Variants in ATF7IP2 observed in about 807,000 individuals in gnomAD.
ATF7IP2 encodes the protein activating transcription factor 7 interacting protein 2, also known as activating transcription factor 7-interacting protein 2.
ATF7IP2 carries 42 observed loss-of-function variants against 64.2 expected under a neutral mutation model. That is an observed-to-expected ratio of 0.65 (90% CI 0.51 to 0.85). The LOEUF (loss-of-function observed/expected upper bound fraction) is 0.85. Among genes scored for constraint, ATF7IP2 ranks in the 40% least tolerant of loss-of-function variants. The pLI is 0.00. For missense variants in ATF7IP2, 933 were observed against 784.2 expected (o/e 1.19, Z -2.27); for synonymous variants, 308 against 272.8 (o/e 1.13, Z -1.27).
chr16:10,407,371 A>G (rs554229084), intron 1 of ATF7IP2, among the ~76,000 whole-genome samples: 4 of 152,338 alleles, frequency 2.6e-5, no homozygotes, highest in East Asian at 3.9e-4. Context: ...ACATAGTACT[A>G]TAAGTCCTAG....
intron 1 of ATF7IP2, among the ~76,000 whole-genome samples, chr16:10,412,539 G>C (rs557205051): frequency 6.6e-6 from 1 of 152,254 alleles, no homozygotes; most frequent in South Asian, 2.1e-4. Flanking sequence ...GTCTGAGAGA[G>C]TGCTTGATAT....
intron 8 of ATF7IP2, 138 bp downstream of exon 8, chr16:10,440,600 T>C: frequency 1.8e-6 from 1 of 557,410 alleles, no homozygotes; most frequent in Non-Finnish European, 3.1e-6. Flanking sequence ...TTCCCATGCA[T>C]CTGTCTCTGG....
At chr16:10,468,274 T>C (rs1257246428) in intron 9 of ATF7IP2, among the ~76,000 whole-genome samples, 2 of 152,258 alleles carry the variant, frequency 1.3e-5, no homozygotes, top group Non-Finnish European at 2.9e-5. Context: ...AGAAATGTGA[T>C]ATTTAAAAAA....
At chr16:10,432,707 A>G (rs959189748) in intron 5 of ATF7IP2, among the ~76,000 whole-genome samples, 2 of 152,192 alleles carry the variant, frequency 1.3e-5, no homozygotes, top group African/African-American at 4.8e-5. Flanking sequence ...CGTCTCTACT[A>G]AAAATACAAA....
chr16:10,469,717 G>A (rs144812380), intron 9 of ATF7IP2, among the ~76,000 whole-genome samples: 57 of 152,070 alleles, frequency 3.7e-4, no homozygotes, highest in African/African-American at 1.2e-3. Context: ...CAGAGGTTGC[G>A]GTGAGCCGAG....
chr16:10,449,801 G>T (rs982303280), intron 8 of ATF7IP2: 2 of 151,914 alleles, frequency 1.3e-5, no homozygotes, highest in African/African-American at 2.4e-5. Context: ...GTTTTTAAGG[G>T]TTTTTCATGT....
chr16:10,441,699 G>C (rs549766603), intron 8 of ATF7IP2, among the ~76,000 whole-genome samples: 1 of 152,302 alleles, frequency 6.6e-6, no homozygotes, highest in African/African-American at 2.4e-5. Context: ...TAGGTTGCCT[G>C]TTCACTCTGA....
chr16:10,467,880 T>C (rs2049639046), intron 9 of ATF7IP2, among the ~76,000 whole-genome samples: 3 of 123,534 alleles, frequency 2.4e-5, no homozygotes, highest in African/African-American at 1.2e-4. Flanking sequence ...CAAATATTCT[T>C]TTTTTTTTTT....
At chr16:10,419,935 A>C (rs1420909950) in intron 3 of ATF7IP2, among the ~76,000 whole-genome samples, 1 of 152,242 alleles carries the variant, frequency 6.6e-6, no homozygotes, top group African/African-American at 2.4e-5. Context: ...GATGCTGTTC[A>C]GCTGCTGATA....
At position 10,418,541 on chromosome 16, in the gene ATF7IP2, G is replaced by A. The variant is rs561494139; in HGVS notation, c.-202-1040G>A. Among the ~76,000 whole-genome samples, 6 of 152,314 alleles carry A rather than the reference G, an allele frequency of 3.9e-5. No homozygotes were observed. In the South Asian group the frequency reaches 1.0e-3, roughly 26 times the overall value. On this transcript the variant is annotated intron_variant, in intron 2 of 13. Transcript: ENST00000562102. The stretch of plus-strand genomic sequence containing the variant: ...TACAAAGACAACACAGATTAAAAGT[G>A]CAATCATCATTGAAATCACAGAGCC...
intron 6 of ATF7IP2, among the ~76,000 whole-genome samples, chr16:10,437,737 T>A (rs2048470592): frequency 6.6e-6 from 1 of 152,192 alleles, no homozygotes; most frequent in Non-Finnish European, 1.5e-5. Flanking sequence ...GTAGAGTTCC[T>A]TTATATGGAA....
At position 10,483,037 on chromosome 16, in the gene ATF7IP2, C is replaced by T. The variant is rs778457293; in HGVS notation, c.*788C>T. 11 of 152,206 alleles carry T rather than the reference C, an allele frequency of 7.2e-5. No individual in the cohort carries two copies. Among genetic ancestry groups the T allele is most frequent in the Admixed American group, 2.6e-4 (4 of 15,286 alleles). 9.4% of individuals were successfully genotyped at this position (152,206 alleles called of 1,614,324 possible). On this transcript the variant is annotated 3_prime_UTR_variant, in exon 14 of 14. Coordinates refer to ENST00000562102, the MANE Select transcript of ATF7IP2 (RefSeq NM_001393719.1). ...CCAAAAATTAAAAGATTTTATGAAA[C>T]GAAATGGCTTCCCATTCTTTCTATT... is the stretch of plus-strand genomic sequence containing the variant.
In ATF7IP2 at chr16:10,430,888, G is replaced by A. The variant is rs1360449880; in HGVS notation, c.268G>A (p.Val90Ile). 15 of 1,613,558 alleles carry A rather than the reference G, an allele frequency of 9.3e-6. No individual in the cohort carries two copies. Among genetic ancestry groups the A allele is most frequent in the African/African-American group, 1.3e-5 (1 of 75,010 alleles). The change falls in exon 5 of 14, where the codon GTA becomes ATA. Residue 90 changes from valine to isoleucine, a missense_variant. Val to Ile is a conservative substitution (Grantham distance 29). Transcript: ENST00000562102. ...NKNSISEKSK[V>I]FSQNCIKPVE... ...AAATTCAATATCAGAGAAAAGTAAA[G>A]TATTCTCTCAGAATTGCATAAAACC...
chr16:10,446,177 C>G (rs1407773100), intron 8 of ATF7IP2: 4 of 152,144 alleles, frequency 2.6e-5, no homozygotes, highest in African/African-American at 7.2e-5. Flanking sequence ...TGAAAGGGGT[C>G]TCTCTTAAAT....
chr16:10,464,358 T>A (rs2049482733), intron 9 of ATF7IP2, among the ~76,000 whole-genome samples: 1 of 152,212 alleles, frequency 6.6e-6, no homozygotes, highest in Admixed American at 6.5e-5. Context: ...GGAGATTTTA[T>A]AATTGTTTTT....
intron 9 of ATF7IP2, among the ~76,000 whole-genome samples, chr16:10,460,427 A>G (rs1018083377): frequency 6.6e-6 from 1 of 152,176 alleles, no homozygotes; most frequent in African/African-American, 2.4e-5. Context: ...TAATTAGTGA[A>G]ACAAAATGGA....
At chr16:10,414,349 C>T (rs2047827393) in intron 1 of ATF7IP2, among the ~76,000 whole-genome samples, 1 of 151,880 alleles carries the variant, frequency 6.6e-6, no homozygotes, top group African/African-American at 2.4e-5. Context: ...TTCTCTTCTG[C>T]TTGGTCAGTT....
At chr16:10,469,011 T>G (rs2049686978) in intron 9 of ATF7IP2, among the ~76,000 whole-genome samples, 1 of 152,108 alleles carries the variant, frequency 6.6e-6, no homozygotes, top group South Asian at 2.1e-4. Context: ...CCTAAGTAAT[T>G]TAATTGCATG....
chr16:10,445,843 GTGAACTAGGTCT>G (rs1271000799), intron 8 of ATF7IP2: 5 of 152,196 alleles, frequency 3.3e-5, no homozygotes, highest in African/African-American at 1.2e-4. Flanking sequence ...TTAACTCTTT[GTGAACTAGGTCT>G]TGACCTTTGC....
Sources: allele counts gnomAD v4.1 joint callset (sites outside exome capture counted in the v4.1 genomes callset), GRCh38; gene constraint gnomAD v4.1.1; transcripts MANE v1.5; gene names NCBI Gene and HGNC (gene_info 2026-07-23, HGNC 2026-07-21).